Variants in HS6ST3 observed in about 807,000 individuals in gnomAD.
The protein encoded by HS6ST3 is heparan-sulfate 6-O-sulfotransferase 3.
In HS6ST3, 12 loss-of-function variants were observed where a neutral mutation model predicts 36.7. The observed-to-expected ratio is 0.33, with a 90% CI of 0.21 to 0.53. The LOEUF (loss-of-function observed/expected upper bound fraction) is 0.53, where lower values mean the gene tolerates loss of function less well. Ranked by LOEUF, HS6ST3 falls within the 20% of genes least tolerant of loss-of-function variation. HS6ST3 has a pLI of 0.95. For synonymous variants in HS6ST3, 240 were observed against 257.5 expected, an observed-to-expected ratio of 0.93 and a Z score of 0.65; for missense variants, 584 against 640.9, an observed-to-expected ratio of 0.91 and a Z score of 0.96.
chr13:96,460,219 G>A (rs2055777298), intron 1 of HS6ST3, among the ~76,000 whole-genome samples: 1 of 152,102 alleles, frequency 6.6e-6, no homozygotes, highest in African/African-American at 2.4e-5. Context: ...ATTAGTATTT[G>A]GGAGCAGAAA....
At chr13:96,212,116 T>C (rs543210346) in intron 1 of HS6ST3, among the ~76,000 whole-genome samples, 6 of 152,192 alleles carry the variant, frequency 3.9e-5, no homozygotes, top group Non-Finnish European at 7.3e-5. Context: ...AAAATATCTC[T>C]AGGGTAAAAA....
intron 1 of HS6ST3, among the ~76,000 whole-genome samples, chr13:96,124,554 C>G (rs2053941429): frequency 1.3e-5 from 2 of 152,134 alleles, no homozygotes; most frequent in Non-Finnish European, 2.9e-5. Flanking sequence ...CCTGAAAAAC[C>G]TGTAAACATG....
chr13:96,541,946 G>A (rs1255214221), intron 1 of HS6ST3, among the ~76,000 whole-genome samples: 26 of 152,172 alleles, frequency 1.7e-4, no homozygotes, highest in East Asian at 1.9e-4. Flanking sequence ...CAGTATGGGA[G>A]TAAAGTTTAG....
chr13:96,351,432 C>T (rs1045213409), intron 1 of HS6ST3, among the ~76,000 whole-genome samples: 1 of 151,544 alleles, frequency 6.6e-6, no homozygotes, highest in Non-Finnish European at 1.5e-5. Context: ...GGTGATCAGC[C>T]TCCTGAGAAG....
chr13:96,342,570 G>A (rs915734156), intron 1 of HS6ST3, among the ~76,000 whole-genome samples: 2 of 152,140 alleles, frequency 1.3e-5, no homozygotes, highest in Admixed American at 6.5e-5. Context: ...GTTTTAGAGT[G>A]GGATATTTTG....
At chr13:96,687,047 A>C (rs1874801908) in intron 1 of HS6ST3, among the ~76,000 whole-genome samples, 1 of 151,706 alleles carries the variant, frequency 6.6e-6, no homozygotes, top group Admixed American at 6.6e-5. Context: ...TGTTAAAGAA[A>C]CACTGAGCAA....
At chr13:96,690,857 A>C (rs1157015875) in intron 1 of HS6ST3, among the ~76,000 whole-genome samples, 1 of 152,062 alleles carries the variant, frequency 6.6e-6, no homozygotes, top group Non-Finnish European at 1.5e-5. Context: ...TCACTGCTCA[A>C]CTATGATTGT....
At chr13:96,193,523 G>A (rs534458400) in intron 1 of HS6ST3, among the ~76,000 whole-genome samples, 8 of 152,226 alleles carry the variant, frequency 5.3e-5, no homozygotes, top group Admixed American at 2.0e-4. Flanking sequence ...AAAAAATGCC[G>A]GACTCTCAGA....
intron 1 of HS6ST3, among the ~76,000 whole-genome samples, chr13:96,314,769 A>C (rs1594750721): frequency 1.3e-5 from 2 of 152,324 alleles, no homozygotes; most frequent in South Asian, 2.1e-4. Context: ...TTATGTACAA[A>C]GGTAATAAAA....
rs191053017 is a variant in HS6ST3 at position 96,658,039 on chromosome 13, G to A, written c.708-174451G>A. 3.6e-4 allele frequency among the ~76,000 whole-genome samples: 54 copies of A among 151,972 alleles called. 2 individuals carry two copies. The Middle Eastern group carries it at 0.027, about 77-fold the overall frequency. On this transcript the variant is annotated intron_variant, in intron 1 of 1. Coordinates refer to ENST00000376705, the MANE Select transcript of HS6ST3 (RefSeq NM_153456.4). Reference sequence around the variant, plus strand: ...GTTCTGTTGTACCTCTTCCCCATGGGGATGATTTTTGATTTCTGCCATCAC... The same window carrying A: ...GTTCTGTTGTACCTCTTCCCCATGGAGATGATTTTTGATTTCTGCCATCAC...
chr13:96,201,038 C>T (rs1341296117), intron 1 of HS6ST3, among the ~76,000 whole-genome samples: 3 of 152,248 alleles, frequency 2.0e-5, no homozygotes, highest in African/African-American at 4.8e-5. Flanking sequence ...AGTTGATAAA[C>T]GACAGCCTGC....
Position 96,346,164 on chromosome 13 carries a change from G to T in HS6ST3, c.707+254595G>T, listed in dbSNP as rs761492494. On this transcript the variant is annotated intron_variant, in intron 1 of 1. Transcript: ENST00000376705. ...AGGCCATGGATCAGTACGGTCCATG[G>T]CCCAGGTGTTGGGGACCCCTGCTTT... Among the ~76,000 whole-genome samples the T allele has an allele frequency of 5.8e-4, 89 of 152,180 alleles. 1 individual carries two copies. Among genetic ancestry groups the T allele is most frequent in the Non-Finnish European group, 2.1e-4 (14 of 68,036 alleles).
chr13:96,330,975 C>G (rs1354266687), intron 1 of HS6ST3, among the ~76,000 whole-genome samples: 1 of 151,952 alleles, frequency 6.6e-6, no homozygotes, highest in Non-Finnish European at 1.5e-5. Flanking sequence ...TTGATCGCAT[C>G]GGCTCCTGAG....
At chr13:96,649,057 G>T (rs1186011462) in intron 1 of HS6ST3, among the ~76,000 whole-genome samples, 1 of 151,836 alleles carries the variant, frequency 6.6e-6, no homozygotes, top group African/African-American at 2.4e-5. Context: ...GTGATGATCT[G>T]GACTCCTGAT....
chr13:96,147,341 T>G (rs557066002), intron 1 of HS6ST3, among the ~76,000 whole-genome samples: 1 of 152,330 alleles, frequency 6.6e-6, no homozygotes, highest in African/African-American at 2.4e-5. Context: ...TCATTAACTG[T>G]CTCTTACAGA....
At chr13:96,401,117 G>A (rs543377298) in intron 1 of HS6ST3, among the ~76,000 whole-genome samples, 17 of 152,260 alleles carry the variant, frequency 1.1e-4, no homozygotes, top group African/African-American at 3.6e-4. Context: ...GACTGGGAGG[G>A]TGCAGAAGGA....
At chr13:96,180,499 C>G (rs1171276231) in intron 1 of HS6ST3, among the ~76,000 whole-genome samples, 1 of 150,694 alleles carries the variant, frequency 6.6e-6, no homozygotes, top group Admixed American at 6.7e-5. Context: ...AGAAAGACAG[C>G]AAAATAAATA....
At chr13:96,227,670 C>A (rs961942529) in intron 1 of HS6ST3, among the ~76,000 whole-genome samples, 1 of 152,182 alleles carries the variant, frequency 6.6e-6, no homozygotes, top group Non-Finnish European at 1.5e-5. Context: ...TGTTTCCAAT[C>A]TATGAGTCAT....
At chr13:96,243,879 G>A (rs1169486520) in intron 1 of HS6ST3, among the ~76,000 whole-genome samples, 1 of 150,728 alleles carries the variant, frequency 6.6e-6, no homozygotes, top group Admixed American at 6.6e-5. Flanking sequence ...TAGTCCCTTA[G>A]AAACTTTTTC....
Sources: allele counts gnomAD v4.1 joint callset (sites outside exome capture counted in the v4.1 genomes callset), GRCh38; gene constraint gnomAD v4.1.1; transcripts MANE v1.5; gene names NCBI Gene and HGNC (gene_info 2026-07-23, HGNC 2026-07-21).